The following CPSF4L variants were observed in gnomAD, a reference collection of about 807,000 sequenced individuals.
CPSF4L encodes putative cleavage and polyadenylation specificity factor subunit 4-like protein.
A neutral mutation model predicts 24.0 loss-of-function variants in CPSF4L; 18 were observed. The observed-to-expected ratio is 0.75, with a 90% confidence interval of 0.52 to 1.11. CPSF4L has a LOEUF of 1.11. CPSF4L is among the 50% of genes least tolerant of loss of function. The pLI is 0.00. For missense variants in CPSF4L, 211 were observed against 221.8 expected, an observed-to-expected ratio of 0.95 and a Z score of 0.31; for synonymous variants, 72 against 77.2, an observed-to-expected ratio of 0.93 and a Z score of 0.35.
intron 5 of CPSF4L, 87 bp from the exon 6 acceptor site, chr17:73,248,623 G>T: frequency 7.5e-7 from 1 of 1,325,674 alleles, no homozygotes; most frequent in Non-Finnish European, 1.1e-6. Flanking sequence ...GAGGCATGGT[G>T]ACACCCAGGC....
chr17:73,245,289 G>A, downstream of CPSF4L: 2 of 1,492,308 alleles, frequency 1.3e-6, no homozygotes, highest in Non-Finnish European at 1.8e-6. Flanking sequence ...TATAATATTT[G>A]GGACAGGGAG....
chr17:73,254,878 G>A (rs1260993154), intron 3 of CPSF4L, among the ~76,000 whole-genome samples: 3 of 152,126 alleles, frequency 2.0e-5, no homozygotes, highest in South Asian at 2.1e-4. Context: ...TCCTGACCTC[G>A]TGATCCGCCC....
chr17:73,252,596 T>C (rs1447233696), intron 5 of CPSF4L, 34 bp downstream of exon 5: 11 of 1,320,846 alleles, frequency 8.3e-6, no homozygotes, highest in Non-Finnish European at 9.6e-6. Context: ...CCTAGCACTC[T>C]GGTGGGAGTT....
chr17:73,242,796 A>G, the CPSF4L span: 1 of 817,548 alleles, frequency 1.2e-6, no homozygotes, highest in South Asian at 1.7e-5. Flanking sequence ...TCTGAATTAC[A>G]GTTCCATCAC....
At chr17:73,260,139 C>T (rs568218096) in intron 2 of CPSF4L, among the ~76,000 whole-genome samples, 1 of 152,174 alleles carries the variant, frequency 6.6e-6, no homozygotes, top group African/African-American at 2.4e-5. Context: ...GCAGGTGCTA[C>T]CTCAGGGCAT....
At chr17:73,247,352 T>A (rs768262257), downstream of CPSF4L, 1 of 1,614,074 alleles carries the variant, frequency 6.2e-7, no homozygotes, top group East Asian at 2.2e-5. Context: ...GAAGCACGTT[T>A]AAGTAGGAGA....
At chr17:73,258,159 G>A (rs1452282859) in intron 2 of CPSF4L, among the ~76,000 whole-genome samples, 3 of 151,820 alleles carry the variant, frequency 2.0e-5, no homozygotes, top group Non-Finnish European at 2.9e-5. Flanking sequence ...ACAGGCGCCA[G>A]CCACCACGCC....
chr17:73,248,657 T>C, intron 5 of CPSF4L, 121 bp from the exon 6 acceptor site: 4 of 991,082 alleles, frequency 4.0e-6, no homozygotes, highest in Non-Finnish European at 6.2e-6. Context: ...TGAGAGGACG[T>C]ATTTGAAGGT....
At chr17:73,258,388 C>T (rs1271784997) in intron 2 of CPSF4L, among the ~76,000 whole-genome samples, 1 of 152,142 alleles carries the variant, frequency 6.6e-6, no homozygotes, top group East Asian at 1.9e-4. Flanking sequence ...TCACTGCAAC[C>T]TCCACCTCCC....
downstream of CPSF4L, chr17:73,247,275 A>AGT: frequency 6.2e-7 from 1 of 1,614,210 alleles, no homozygotes; most frequent in Admixed American, 1.7e-5. Context: ...GGAAGAGCAC[A>AGT]GTACCTCCAT....
chr17:73,245,994 A>G (rs17184448), downstream of CPSF4L, among the ~76,000 whole-genome samples: 68,392 of 151,770 alleles, frequency 0.45, 16,416 homozygotes, highest in East Asian at 0.62. Context: ...CATCTCATCA[A>G]ACTATTCAGT....
At chr17:73,246,387 G>A (rs2061950934), downstream of CPSF4L, among the ~76,000 whole-genome samples, 1 of 152,090 alleles carries the variant, frequency 6.6e-6, no homozygotes, top group Admixed American at 6.5e-5. Context: ...ATTGTAAAAA[G>A]TAGCTGAGCT....
At chr17:73,242,243 GTTTC>G in the CPSF4L span, 37 of 1,573,472 alleles carry the variant, frequency 2.4e-5, no homozygotes, top group East Asian at 8.4e-4. Flanking sequence ...TGGAACCATA[GTTTC>G]TTTGTTGGAA....
downstream of CPSF4L, chr17:73,247,158 CACA>C (rs1399744225): frequency 1.9e-5 from 24 of 1,266,542 alleles, no homozygotes; most frequent in African/African-American, 1.0e-4. Flanking sequence ...GGCTGTTTCA[CACA>C]ACAACAGCAA....
rs2062047559 is a variant in CPSF4L, at chr17:73,261,777, G to A, written c.42C>T (p.Ala14=). Residue 14 remains alanine (A), a synonymous_variant, in exon 1 of 6, where the codon GCC becomes GCT. Coordinates refer to ENST00000344935, the MANE Select transcript of CPSF4L (RefSeq NM_001129885.1). ...TCTGCATCTCGACATCCTTCTCGAAGGCAAAGGTGAACCGCTCTAGCCCCG... is the reference window on the plus strand; with the variant it reads ...TCTGCATCTCGACATCCTTCTCGAAAGCAAAGGTGAACCGCTCTAGCCCCG... ...VIAGLERFTF[A]FEKDVEMQKG... The A allele has an allele frequency of 6.4e-7, 1 of 1,551,812 alleles. No individual in the cohort carries two copies.
chr17:73,244,272 G>A (rs2061905171), downstream of CPSF4L, among the ~76,000 whole-genome samples: 1 of 152,026 alleles, frequency 6.6e-6, no homozygotes, highest in Non-Finnish European at 1.5e-5. Flanking sequence ...TCAAAAACCA[G>A]TATTTTGGGG....
At chr17:73,242,812 C>A in the CPSF4L span, 2 of 1,042,578 alleles carry the variant, frequency 1.9e-6, no homozygotes, top group Non-Finnish European at 1.4e-6. Flanking sequence ...ATCACTCAGG[C>A]TAACTGGGAA....
At chr17:73,250,928 C>T (rs750707258) in intron 5 of CPSF4L, 19 of 1,417,686 alleles carry the variant, frequency 1.3e-5, no homozygotes, top group South Asian at 1.2e-4. Context: ...GCCCTCCCAG[C>T]TCTCAGCCAA....
chr17:73,242,508 G>GT, the CPSF4L span, among the ~76,000 whole-genome samples: 2 of 110,468 alleles, frequency 1.8e-5, no homozygotes, highest in Non-Finnish European at 4.1e-5. Flanking sequence ...TCATTTTGGA[G>GT]TTGGACATAA....
Sources: gnomAD v4.1 joint callset for allele counts (sites outside exome capture counted in the v4.1 genomes callset) on GRCh38, gnomAD v4.1.1 for gene constraint, MANE v1.5 for transcripts, NCBI Gene and HGNC (gene_info 2026-07-23, HGNC 2026-07-21) for gene names.